ASTN2: variants seen among roughly 807,000 people sequenced by gnomAD.
ASTN2 encodes the protein astrotactin-2.
A neutral mutation model predicts 139.8 loss-of-function variants in ASTN2; 54 were observed. The observed-to-expected ratio is 0.39, with a 90% confidence interval of 0.31 to 0.48. ASTN2 has a LOEUF of 0.48. ASTN2 is among the 20% of genes least tolerant of loss of function. The pLI, the probability that ASTN2 is intolerant of heterozygous loss-of-function variation, is 0.95. For missense variants in ASTN2, 1,565 were observed against 1,725.1 expected (o/e 0.91, Z 1.64); for synonymous variants, 756 against 719.5 (o/e 1.05, Z -0.81).
rs962728930 is a variant in ASTN2, at chr9:116,423,355, G to A, written c.*2496C>T. ...ACTCCACTTTGTTGATGAGAAACCTGATGTCAAGTTACTCCCTTAAGGGCA... is the reference window on the plus strand; with the variant it reads ...ACTCCACTTTGTTGATGAGAAACCTAATGTCAAGTTACTCCCTTAAGGGCA... On this transcript the variant is annotated 3_prime_UTR_variant, in exon 23 of 23. Transcript: ENST00000313400. Among the ~76,000 whole-genome samples the A allele has an allele frequency of 2.6e-5, 4 of 152,230 alleles. No homozygotes were observed. Among genetic ancestry groups the A allele is most frequent in the Non-Finnish European group, 5.9e-5 (4 of 68,040 alleles).
chr9:117,394,133 T>C (rs962708413), intron 1 of ASTN2, among the ~76,000 whole-genome samples: 1 of 152,190 alleles, frequency 6.6e-6, no homozygotes, highest in Non-Finnish European at 1.5e-5. Flanking sequence ...TGAAAGTCAG[T>C]GCTACCAACA....
intron 5 of ASTN2, among the ~76,000 whole-genome samples, chr9:117,041,504 T>C (rs1372142989): frequency 6.6e-6 from 1 of 152,060 alleles, no homozygotes; most frequent in Non-Finnish European, 1.5e-5. Context: ...ATCTGAAGAG[T>C]TGTGTAGTGC....
In ASTN2 at chr9:116,679,151, C is replaced by T. The variant is rs138223735; in HGVS notation, c.2807-27358G>A. Among the ~76,000 whole-genome samples the T allele has an allele frequency of 3.3e-5, 5 of 152,098 alleles. No individual in the cohort carries two copies. In the East Asian group the frequency reaches 9.6e-4, roughly 29 times the overall value. ...AAATTTTTGAAGTTATCATTTTGGCCAAATGAATTAGTTATGGTTATCATT... is the reference window on the plus strand; with the variant it reads ...AAATTTTTGAAGTTATCATTTTGGCTAAATGAATTAGTTATGGTTATCATT... On this transcript the variant is annotated intron_variant, in intron 16 of 22. Coordinates refer to ENST00000313400, the MANE Select transcript of ASTN2 (RefSeq NM_001365068.1).
chr9:117,265,774 G>A (rs1206870150), intron 2 of ASTN2, among the ~76,000 whole-genome samples: 2 of 150,884 alleles, frequency 1.3e-5, no homozygotes, highest in Admixed American at 6.6e-5. Context: ...CTACACAATG[G>A]TTCCTCAGAA....
chr9:116,975,611 T>C (rs1836321456), intron 9 of ASTN2, among the ~76,000 whole-genome samples: 2 of 152,298 alleles, frequency 1.3e-5, no homozygotes, highest in East Asian at 1.9e-4. Context: ...ATAGGGACCA[T>C]TGCCGCTCTG....
intron 1 of ASTN2, among the ~76,000 whole-genome samples, chr9:117,366,186 A>C (rs1353046903): frequency 6.6e-6 from 1 of 152,182 alleles, no homozygotes; most frequent in African/African-American, 2.4e-5. Flanking sequence ...GATGACTTTC[A>C]GGAGTCAAGC....
intron 16 of ASTN2, among the ~76,000 whole-genome samples, chr9:116,674,838 C>T (rs555232204): frequency 6.6e-6 from 1 of 152,182 alleles, no homozygotes; most frequent in Non-Finnish European, 1.5e-5. Flanking sequence ...GCACTCCTGG[C>T]TCACTGGCTT....
At chr9:117,248,930 G>T (rs1588131708) in intron 2 of ASTN2, among the ~76,000 whole-genome samples, 1 of 152,168 alleles carries the variant, frequency 6.6e-6, no homozygotes, top group South Asian at 2.1e-4. Context: ...GAGGTTCGGG[G>T]CAAGTCTCTT....
At chr9:117,181,823 G>A (rs1436042158) in intron 3 of ASTN2, among the ~76,000 whole-genome samples, 2 of 152,196 alleles carry the variant, frequency 1.3e-5, no homozygotes, top group Non-Finnish European at 2.9e-5. Context: ...CATTCACTGT[G>A]TTCCTTCCCT....
chr9:116,888,873 T>TC (rs1833686366), intron 10 of ASTN2, among the ~76,000 whole-genome samples: 1 of 152,070 alleles, frequency 6.6e-6, no homozygotes, highest in Non-Finnish European at 1.5e-5. Context: ...CCCCTCAAGG[T>TC]CCCAGTGTTG....
intron 16 of ASTN2, among the ~76,000 whole-genome samples, chr9:116,693,249 A>C (rs1372047461): frequency 6.6e-6 from 1 of 152,186 alleles, no homozygotes; most frequent in Middle Eastern, 3.2e-3. Flanking sequence ...AAACTAAGAA[A>C]ACAGGTTTAG....
chr9:116,869,675 G>C (rs1833105683), intron 10 of ASTN2, among the ~76,000 whole-genome samples: 1 of 152,134 alleles, frequency 6.6e-6, no homozygotes, highest in East Asian at 1.9e-4. Flanking sequence ...AAACTTTTCT[G>C]TACAGGGCTA....
intron 10 of ASTN2, among the ~76,000 whole-genome samples, chr9:116,931,919 G>T (rs1016420973): frequency 6.6e-6 from 1 of 152,096 alleles, no homozygotes; most frequent in African/African-American, 2.4e-5. Flanking sequence ...AAGCATCCAG[G>T]CAGTGGCAAT....
At position 117,323,162 on chromosome 9, in the gene ASTN2, T is replaced by C. The variant is rs532710114; in HGVS notation, c.443-31649A>G. Among the ~76,000 whole-genome samples, 375 of 152,234 alleles carry C rather than the reference T, an allele frequency of 2.5e-3. 2 individuals carry two copies. Among genetic ancestry groups the C allele is most frequent in the Non-Finnish European group, 3.9e-3 (268 of 68,016 alleles). ...AGACAGAGTGACTCATTTTTATGTGTGCACACACACACATATACATATACA... is the reference window on the plus strand; with the variant it reads ...AGACAGAGTGACTCATTTTTATGTGCGCACACACACACATATACATATACA... On this transcript the variant is annotated intron_variant, in intron 1 of 22. Transcript: ENST00000313400.
chr9:117,156,380 C>G (rs1167097633), intron 3 of ASTN2, among the ~76,000 whole-genome samples: 5 of 152,022 alleles, frequency 3.3e-5, no homozygotes, highest in African/African-American at 1.2e-4. Context: ...TTGACTAACA[C>G]AGGGTTTCTC....
At chr9:116,480,057 A>C (rs1208696833) in intron 20 of ASTN2, among the ~76,000 whole-genome samples, 1 of 152,070 alleles carries the variant, frequency 6.6e-6, no homozygotes, top group Non-Finnish European at 1.5e-5. Context: ...AAGGTTTATA[A>C]GAAAGAAAGA....
At chr9:117,385,868 T>C (rs1830383653) in intron 1 of ASTN2, among the ~76,000 whole-genome samples, 2 of 152,082 alleles carry the variant, frequency 1.3e-5, no homozygotes, top group Admixed American at 1.3e-4. Flanking sequence ...GGAGTTATAT[T>C]TCATGATCAA....
intron 16 of ASTN2, among the ~76,000 whole-genome samples, chr9:116,709,528 C>T (rs889617280): frequency 6.6e-6 from 1 of 152,192 alleles, no homozygotes; most frequent in Non-Finnish European, 1.5e-5. Flanking sequence ...CCAACATCTG[C>T]ACAGTTCTAT....
At chr9:116,462,095 G>A (rs1006331011) in intron 20 of ASTN2, among the ~76,000 whole-genome samples, 2 of 152,080 alleles carry the variant, frequency 1.3e-5, no homozygotes, top group African/African-American at 4.8e-5. Flanking sequence ...CCGGTAATTG[G>A]CAAGCCAGGG....
Sources: allele counts gnomAD v4.1 joint callset (sites outside exome capture counted in the v4.1 genomes callset), GRCh38; gene constraint gnomAD v4.1.1; transcripts MANE v1.5; gene names NCBI Gene and HGNC (gene_info 2026-07-23, HGNC 2026-07-21).